LRP1: variants seen among roughly 807,000 people sequenced by gnomAD.
LRP1 encodes the protein prolow-density lipoprotein receptor-related protein 1.
In LRP1, 51 loss-of-function variants were observed where a neutral mutation model predicts 541.5. The ratio of observed to expected loss-of-function variants is 0.09; its 90% CI spans 0.08 to 0.12. The LOEUF is 0.12. Ranked by LOEUF, LRP1 falls within the 10% of genes least tolerant of loss-of-function variation. The probability of loss-of-function intolerance (pLI) is 1.00; values close to 1 mark genes in which losing one functional copy is unlikely to be tolerated. For synonymous variants in LRP1, 2,219 were observed against 2,470.8 expected (o/e 0.90, Z 3.02); for missense variants, 3,878 against 6,376.2 (o/e 0.61, Z 13.34).
In LRP1 at chr12:57,173,672, C is replaced by T. The variant is rs2035987162; in HGVS notation, c.3347-108C>T. 1.7e-6 allele frequency: 2 copies of T among 1,194,644 alleles called. No homozygotes were observed. Among genetic ancestry groups the T allele is most frequent in the East Asian group, 4.7e-5 (2 of 42,586 alleles). 74.0% of individuals were successfully genotyped at this position (1,194,644 alleles called of 1,614,324 possible). A position where few individuals can be genotyped will look rare whatever the true frequency, so the allele number is the denominator to read the frequency against. On this transcript the variant is annotated intron_variant, in intron 21 of 88. Transcript: ENST00000243077. This position sits in a 1 kb window ranked among gnomAD's most constrained non-coding sequence, Gnocchi z 4.7. Reference sequence around the variant, plus strand: ...GCCTCGGGGTTCCTCGTGGACCCCACAGCGTTGCAATCCTGACCCTATTAG... The same window carrying T: ...GCCTCGGGGTTCCTCGTGGACCCCATAGCGTTGCAATCCTGACCCTATTAG...
intron 77 of LRP1, chr12:57,208,499 G>A (rs969701182): frequency 5.9e-5 from 35 of 588,356 alleles, no homozygotes; most frequent in South Asian, 8.5e-5. Context: ...TGCCAGCGTC[G>A]GTGGCTCTGA....
chr12:57,159,127 A>C (rs2035679967), intron 11 of LRP1, among the ~76,000 whole-genome samples: 1 of 152,220 alleles, frequency 6.6e-6, no homozygotes, highest in African/African-American at 2.4e-5. Context: ...GCAGGTTCAC[A>C]GTGCATTGTC....
Position 57,185,731 on chromosome 12 carries a change from G to A in LRP1, c.6664G>A (p.Ala2222Thr). The A allele has an allele frequency of 6.2e-7, 1 of 1,614,234 alleles. No homozygotes were observed. Among genetic ancestry groups the A allele is most frequent in the Non-Finnish European group, 8.5e-7 (1 of 1,180,048 alleles). ...IHLSDERNLN[A>T]PVQPFEDPEH... Reference sequence around the variant, plus strand: ...CCTGTCGGATGAGCGCAACCTCAATGCGCCCGTGCAGCCCTTCGAGGACCC... The same window carrying A: ...CCTGTCGGATGAGCGCAACCTCAATACGCCCGTGCAGCCCTTCGAGGACCC... Residue 2222 changes from alanine (A) to threonine (T), a missense_variant, in exon 41 of 89, where the codon GCG (alanine) becomes ACG (threonine). Coordinates refer to ENST00000243077, the MANE Select transcript of LRP1 (RefSeq NM_002332.3). The surrounding 1 kb of genome is among the most constrained non-coding windows in gnomAD (Gnocchi z 4.9).
chr12:57,205,689 A>T lies in LRP1; in HGVS notation c.11590+12A>T. On this transcript the variant is annotated intron_variant, in intron 75 of 88. Coordinates refer to ENST00000243077, the MANE Select transcript of LRP1 (RefSeq NM_002332.3). This position sits in a 1 kb window ranked among gnomAD's most constrained non-coding sequence, Gnocchi z 4.6. The stretch of plus-strand genomic sequence containing the variant: ...CTGCAAGGCCGAAGGTGCCGGAGCC[A>T]CCAGAGGGCAGAAAGGCTGGGTGGG... 1.9e-6 allele frequency: 3 copies of T among 1,607,984 alleles called. No homozygotes were observed. Among genetic ancestry groups the T allele is most frequent in the Non-Finnish European group, 2.5e-6 (3 of 1,179,826 alleles).
At position 57,206,639 on chromosome 12, in the gene LRP1, G is replaced by T; in HGVS notation, c.11757G>T (p.Trp3919Cys). 3 of 1,614,042 alleles carry T rather than the reference G, an allele frequency of 1.9e-6. No individual in the cohort carries two copies. The highest frequency in any genetic ancestry group is 2.5e-6 in the Non-Finnish European group (3 of 1,180,038). The change falls in exon 76 of 89, where the codon TGG becomes TGT. Residue 3919 changes from tryptophan to cysteine, a missense_variant. Around this residue, in one of 13 missense-constraint regions of LRP1, gnomAD observed 871 missense variants for 1,212.4 expected, o/e 0.72. Coordinates refer to ENST00000243077, the MANE Select transcript of LRP1 (RefSeq NM_002332.3). This position sits in a 1 kb window ranked among gnomAD's most constrained non-coding sequence, Gnocchi z 4.7. ...VKAGRVYWTN[W>C]HTGTISYRSL... is the part of the protein sequence containing the mutation. ...CTGGCCGTGTCTATTGGACCAACTGGCACACGGGCACCATCTCCTACCGCA... is the reference window on the plus strand; with the variant it reads ...CTGGCCGTGTCTATTGGACCAACTGTCACACGGGCACCATCTCCTACCGCA...
intron 1 of LRP1, among the ~76,000 whole-genome samples, chr12:57,135,660 C>T (rs11172114): frequency 0.31 from 47,396 of 152,126 alleles, 7,734 homozygotes; most frequent in Admixed American, 0.41. Flanking sequence ...GTGGCCCCCT[C>T]CCCCGGTGCT....
At position 57,210,937 on chromosome 12, in the gene LRP1, G is replaced by A. The variant is rs1415509844; in HGVS notation, c.12916+58G>A. On this transcript the variant is annotated intron_variant, in intron 83 of 88. Transcript: ENST00000243077. ...CGGGAGGGTGACGGGGGACCCCAGA[G>A]CATGGGGTGATGTTCAACCTGTGCC... 8 of 1,566,586 alleles carry A rather than the reference G, an allele frequency of 5.1e-6. No homozygotes were observed. In the African/African-American group the frequency reaches 5.4e-5, roughly 11 times the overall value.
chr12:57,212,602 C>A lies in LRP1; in HGVS notation c.*47C>A. ...CCCCAGAAAGCCTCCTGCCCCCTGC[C>A]AGTGAAGTCCTTCAGTGAGCCCCTC... On this transcript the variant is annotated 3_prime_UTR_variant, in exon 89 of 89. Coordinates refer to ENST00000243077, the MANE Select transcript of LRP1 (RefSeq NM_002332.3). This position sits in a 1 kb window ranked among gnomAD's most constrained non-coding sequence, Gnocchi z 5.0. 1 of 1,531,576 alleles carries A rather than the reference C, an allele frequency of 6.5e-7. No individual in the cohort carries two copies. Among genetic ancestry groups the A allele is most frequent in the South Asian group, 1.3e-5 (1 of 77,368 alleles). The allele number at this position is 1,531,576 out of a possible 1,614,324, so 94.9% of individuals were successfully genotyped here.
chr12:57,183,057 C>A lies in LRP1; in HGVS notation c.5663-322C>A, dbSNP rs2136708107. Among the ~76,000 whole-genome samples the A allele has an allele frequency of 6.6e-6, 1 of 152,250 alleles. No homozygotes were observed. ...TGTCTGGTCTGAACTCCCAGACTTT[C>A]CCTAAGGAACTTGCAGGGGTGCAGG... On this transcript the variant is annotated intron_variant, in intron 34 of 88. Transcript: ENST00000243077. The surrounding 1 kb of genome is among the most constrained non-coding windows in gnomAD (Gnocchi z 6.1).
Position 57,204,263 on chromosome 12 carries a change from C to A in LRP1, c.10952-147C>A. On this transcript the variant is annotated intron_variant, in intron 70 of 88. Transcript: ENST00000243077. This position sits in a 1 kb window ranked among gnomAD's most constrained non-coding sequence, Gnocchi z 5.3. ...ACCAGAGGGGGCAGTTTGGCCCCAC[C>A]AAGTAGAAATTTAAGAGACCTGGTT... 2.0e-6 allele frequency: 2 copies of A among 979,392 alleles called. No homozygotes were observed. The highest frequency in any genetic ancestry group is 2.9e-6 in the Non-Finnish European group (2 of 696,736). The allele number at this position is 979,392 out of a possible 1,614,324, so 60.7% of individuals were successfully genotyped here.
At chr12:57,163,820 T>C (rs116297865) in intron 15 of LRP1, among the ~76,000 whole-genome samples, 3,178 of 152,292 alleles carry the variant, frequency 0.021, 131 homozygotes, top group African/African-American at 0.072. Flanking sequence ...GTGTTGTTAT[T>C]GCATGATTTT....
chr12:57,205,024 T>G lies in LRP1; in HGVS notation c.11195-85T>G, dbSNP rs1422301706. On this transcript the variant is annotated intron_variant, in intron 72 of 88. Transcript: ENST00000243077. This position sits in a 1 kb window ranked among gnomAD's most constrained non-coding sequence, Gnocchi z 4.6. ...CCTGCAAGCCTTGTCACTTAGGAAT[T>G]GGGAGCCACTGTTATCTATGGGGTT... 7 of 1,518,400 alleles carry G rather than the reference T, an allele frequency of 4.6e-6. No individual in the cohort carries two copies. Among genetic ancestry groups the G allele is most frequent in the Non-Finnish European group, 6.2e-6 (7 of 1,127,610 alleles). The allele number at this position is 1,518,400 out of a possible 1,614,324, so 94.1% of individuals were successfully genotyped here.
chr12:57,193,767 C>A, intron 47 of LRP1, 82 bp downstream of exon 47: 1 of 1,609,898 alleles, frequency 6.2e-7, no homozygotes, highest in Non-Finnish European at 8.5e-7. Flanking sequence ...TCCCTGGGCC[C>A]CGTGGTGTCT....
chr12:57,187,908 G>A (rs559005396), intron 42 of LRP1, among the ~76,000 whole-genome samples: 27 of 152,304 alleles, frequency 1.8e-4, no homozygotes, highest in African/African-American at 6.0e-4. Flanking sequence ...GGCTGTATAC[G>A]GGTGACCACA....
chr12:57,167,678 C>T (rs558074487), intron 19 of LRP1, among the ~76,000 whole-genome samples, 154 bp downstream of exon 19: 37 of 152,302 alleles, frequency 2.4e-4, no homozygotes, highest in African/African-American at 8.7e-4. Context: ...CAGGAGAAGT[C>T]AGAAATGCCT....
Position 57,166,068 on chromosome 12 carries a change from C to T in LRP1, c.2672-16C>T, listed in dbSNP as rs747634512. The T allele has an allele frequency of 1.9e-6, 3 of 1,614,120 alleles. No individual in the cohort carries two copies. Among genetic ancestry groups the T allele is most frequent in the Admixed American group, 1.7e-5 (1 of 60,032 alleles). ...CACCCAACTTCTCGCTGACCCCTGACTCATTCCCTCCCCAGATCAGCACAC... is the reference window on the plus strand; with the variant it reads ...CACCCAACTTCTCGCTGACCCCTGATTCATTCCCTCCCCAGATCAGCACAC... On this transcript the variant is annotated splice_polypyrimidine_tract_variant and intron_variant, in intron 16 of 88. Coordinates refer to ENST00000243077, the MANE Select transcript of LRP1 (RefSeq NM_002332.3).
rs2136712085 is a variant in LRP1, at chr12:57,185,964, C to G, written c.6841+56C>G. On this transcript the variant is annotated intron_variant, in intron 41 of 88. Transcript: ENST00000243077. The surrounding 1 kb of genome is among the most constrained non-coding windows in gnomAD (Gnocchi z 4.9). ...GTGGGACATGGGGCGGGGAGCAGCA[C>G]AGACTCTTAGACCCCAGCCAGGCAC... 1 of 1,559,018 alleles carries G rather than the reference C, an allele frequency of 6.4e-7. No homozygotes were observed.
In LRP1 at chr12:57,173,055, C is replaced by A; in HGVS notation, c.3164-113C>A. 3 of 821,272 alleles carry A rather than the reference C, an allele frequency of 3.7e-6. No individual in the cohort carries two copies. Among genetic ancestry groups the A allele is most frequent in the Non-Finnish European group, 5.6e-6 (3 of 532,570 alleles). The allele number at this position is 821,272 out of a possible 1,614,324, so 50.9% of individuals were successfully genotyped here. A position where few individuals can be genotyped will look rare whatever the true frequency, so the allele number is the denominator to read the frequency against. The stretch of plus-strand genomic sequence containing the variant: ...GCAAAGCTTGGCAGACTCTCCAGGC[C>A]TGCCTCTGCTCATATCCCCAGGCTG... On this transcript the variant is annotated intron_variant, in intron 20 of 88. Transcript: ENST00000243077. The surrounding 1 kb of genome is among the most constrained non-coding windows in gnomAD (Gnocchi z 4.7).
intron 60 of LRP1, 99 bp downstream of exon 60, chr12:57,198,769 A>G (rs1421975862): frequency 4.1e-6 from 5 of 1,213,262 alleles, no homozygotes; most frequent in Non-Finnish European, 5.8e-6. Context: ...AGTGGACATA[A>G]AAAGCGGAGG....
Sources: gnomAD v4.1 joint callset for allele counts (sites outside exome capture counted in the v4.1 genomes callset) on GRCh38, gnomAD v4.1.1 for gene constraint, gnomAD v4.1.1 regional missense constraint, Gnocchi (gnomAD v3.1) non-coding constraint, MANE v1.5 for transcripts, NCBI Gene and HGNC (gene_info 2026-07-23, HGNC 2026-07-21) for gene names.